CEP152: variants seen among roughly 807,000 people sequenced by gnomAD.
CEP152 encodes the protein centrosomal protein of 152 kDa.
CEP152 carries 132 observed loss-of-function variants against 188.9 expected under a neutral mutation model. The observed-to-expected ratio is 0.70, with a 90% CI of 0.61 to 0.81. The LOEUF (loss-of-function observed/expected upper bound fraction) is 0.81, where lower values mean the gene tolerates loss of function less well. Ranked by LOEUF, CEP152 falls within the 30% of genes least tolerant of loss-of-function variation. The pLI is 0.00. For missense variants in CEP152, 1,914 were observed against 1,969.8 expected, an observed-to-expected ratio of 0.97 and a Z score of 0.54; for synonymous variants, 649 against 666.6, an observed-to-expected ratio of 0.97 and a Z score of 0.41.
At chr15:48,769,194 CT>C in intron 13 of CEP152, 113 bp from the exon 14 acceptor site, 1 of 800,544 alleles carries the variant, frequency 1.2e-6, no homozygotes, top group South Asian at 1.7e-5. Context: ...CTCCATATAG[CT>C]TTTACTCATC....
chr15:48,756,710 T>C (rs1894302523), intron 19 of CEP152, among the ~76,000 whole-genome samples, 157 bp from the exon 20 acceptor site: 1 of 152,196 alleles, frequency 6.6e-6, no homozygotes, highest in South Asian at 2.1e-4. Flanking sequence ...TTCTAAAAAC[T>C]ATACTTACAC....
intron 19 of CEP152, among the ~76,000 whole-genome samples, chr15:48,758,882 C>T (rs78135998): frequency 6.6e-6 from 1 of 152,130 alleles, no homozygotes; most frequent in Admixed American, 6.5e-5. Context: ...TCTCTCATTT[C>T]TATATGTCTG....
At chr15:48,741,905 T>G (rs1056572229) in intron 25 of CEP152, 42 bp downstream of exon 25, 69 of 1,614,030 alleles carry the variant, frequency 4.3e-5, no homozygotes, top group Non-Finnish European at 5.8e-5. Context: ...GATAACATGT[T>G]GTCCTGGTAA....
intron 22 of CEP152, among the ~76,000 whole-genome samples, chr15:48,748,181 G>A (rs2140614120): frequency 6.6e-6 from 1 of 152,256 alleles, no homozygotes; most frequent in South Asian, 2.1e-4. Context: ...CCAGTGCTTA[G>A]AAGCCTGCTT....
At chr15:48,797,834 C>T (rs1180594055) in intron 3 of CEP152, 104 bp from the exon 4 acceptor site, 60 of 1,513,360 alleles carry the variant, frequency 4.0e-5, no homozygotes, top group Non-Finnish European at 4.7e-5. Flanking sequence ...AATCTTCACC[C>T]AAAATTTTAA....
At chr15:48,782,978 A>T (rs922993029) in intron 10 of CEP152, among the ~76,000 whole-genome samples, 1 of 152,228 alleles carries the variant, frequency 6.6e-6, no homozygotes, top group African/African-American at 2.4e-5. Flanking sequence ...CTATCAAGAC[A>T]TATATACACA....
intron 12 of CEP152, among the ~76,000 whole-genome samples, chr15:48,778,710 G>A (rs1896069890): frequency 6.6e-6 from 1 of 152,156 alleles, no homozygotes; most frequent in Non-Finnish European, 1.5e-5. Context: ...AGCACTTTGG[G>A]AGGCCGAGGT....
At chr15:48,772,228 T>C (rs950850910) in intron 13 of CEP152, among the ~76,000 whole-genome samples, 1 of 152,072 alleles carries the variant, frequency 6.6e-6, no homozygotes, top group African/African-American at 2.4e-5. Context: ...CTGGGCAACA[T>C]TGTGGGAACC....
intron 17 of CEP152, among the ~76,000 whole-genome samples, chr15:48,763,107 A>G (rs1894813735): frequency 1.3e-5 from 2 of 152,244 alleles, no homozygotes; most frequent in Admixed American, 6.5e-5. Context: ...AGTTTTACTC[A>G]CTTGAACACA....
chr15:48,773,539 A>G (rs542030795), intron 12 of CEP152: 7 of 152,394 alleles, frequency 4.6e-5, no homozygotes, highest in African/African-American at 9.6e-5. Flanking sequence ...AATACTGGGG[A>G]AAAAGAAGCT....
chr15:48,796,323 CAT>C (rs201681953), intron 5 of CEP152, among the ~76,000 whole-genome samples, 163 bp from the exon 6 acceptor site: 45 of 135,574 alleles, frequency 3.3e-4, no homozygotes, highest in East Asian at 6.6e-4. Flanking sequence ...CACACACACA[CAT>C]ATATATATCT....
intron 20 of CEP152, among the ~76,000 whole-genome samples, chr15:48,752,983 A>G (rs1217933310): frequency 6.6e-6 from 1 of 152,214 alleles, no homozygotes; most frequent in East Asian, 1.9e-4. Flanking sequence ...TAATTTTGTA[A>G]GGAAGGCCAG....
chr15:48,747,394 T>C (rs1893526019), intron 22 of CEP152, among the ~76,000 whole-genome samples: 1 of 152,214 alleles, frequency 6.6e-6, no homozygotes, highest in Non-Finnish European at 1.5e-5. Context: ...AGATATGGCA[T>C]ATTCCTTCTC....
chr15:48,738,023 C>G lies in CEP152; in HGVS notation c.*226G>C. 1 of 499,416 alleles carries G rather than the reference C, an allele frequency of 2.0e-6. No individual in the cohort carries two copies. The highest frequency in any genetic ancestry group is 3.5e-6 in the Non-Finnish European group (1 of 289,070). The allele number at this position is 499,416 out of a possible 1,614,324, so 30.9% of individuals were successfully genotyped here. On this transcript the variant is annotated 3_prime_UTR_variant, in exon 27 of 27. Transcript: ENST00000380950. ...GTATAAAAATAGATGGTTTAGAAAC[C>G]AAAAATAAGCACCACACAAAAGCAG...
At chr15:48,786,385 CA>C (rs11443555) in intron 9 of CEP152, among the ~76,000 whole-genome samples, 100 of 150,390 alleles carry the variant, frequency 6.6e-4, no homozygotes, top group African/African-American at 2.2e-3. Flanking sequence ...GAAAATCAGC[CA>C]AAAAAAAAGA....
intron 26 of CEP152, among the ~76,000 whole-genome samples, chr15:48,739,838 G>C (rs923343797): frequency 7.9e-5 from 12 of 152,182 alleles, no homozygotes; most frequent in Non-Finnish European, 1.3e-4. Context: ...TCCATGAAAA[G>C]GATTTGCTTC....
At chr15:48,767,834 C>T (rs1183345360) in intron 15 of CEP152, among the ~76,000 whole-genome samples, 1 of 152,118 alleles carries the variant, frequency 6.6e-6, no homozygotes, top group Non-Finnish European at 1.5e-5. Flanking sequence ...TAGCAGTCCC[C>T]AACTCACAAG....
rs1219507779 is a variant in CEP152 at position 48,782,185 on chromosome 15, G to A, written c.1367C>T (p.Ala456Val). 6.2e-7 allele frequency: 1 copy of A among 1,613,890 alleles called. No individual in the cohort carries two copies. Among genetic ancestry groups the A allele is most frequent in the South Asian group, 1.1e-5 (1 of 91,076 alleles). ...TGCACTCATAGCATGTGCCTTCTGT[G>A]CTTGCTGCAGCTGGAACTGTAGCTG... ...VAQLQFQLQQAQKAHAMSANM... is the reference protein window; with the variant it reads ...VAQLQFQLQQVQKAHAMSANM... The change falls in exon 11 of 27, where the codon GCA becomes GTA. Residue 456 changes from alanine to valine, a missense_variant. Physicochemically the swap from Ala to Val is moderately conservative, Grantham distance 64. Coordinates refer to ENST00000380950, the MANE Select transcript of CEP152 (RefSeq NM_001194998.2).
At chr15:48,788,490 C>A (rs1280180064) in intron 9 of CEP152, among the ~76,000 whole-genome samples, 3 of 151,356 alleles carry the variant, frequency 2.0e-5, no homozygotes, top group Admixed American at 2.0e-4. Flanking sequence ...CGCACCACTG[C>A]GCCCGGCTAA....
Sources: allele counts gnomAD v4.1 joint callset (sites outside exome capture counted in the v4.1 genomes callset), GRCh38; gene constraint gnomAD v4.1.1; transcripts MANE v1.5; gene names NCBI Gene and HGNC (gene_info 2026-07-23, HGNC 2026-07-21).